The following RIC1 variants were observed in gnomAD, a reference collection of about 807,000 sequenced individuals.
The protein encoded by RIC1 is RIC1 partner of RAB6A GEF complex, also known as guanine nucleotide exchange factor subunit RIC1.
RIC1 carries 88 observed loss-of-function variants against 169.0 expected under a neutral mutation model. That is an observed-to-expected ratio of 0.52 (90% CI 0.44 to 0.62). RIC1 has a LOEUF of 0.62. Ranked by LOEUF, RIC1 falls within the 20% of genes least tolerant of loss-of-function variation. RIC1 has a pLI of 0.00. For missense variants in RIC1, 1,877 were observed against 1,725.5 expected, an observed-to-expected ratio of 1.09 and a Z score of -1.56; for synonymous variants, 790 against 601.5, an observed-to-expected ratio of 1.31 and a Z score of -4.59.
At chr9:5,765,288 T>C (rs894684281) in intron 19 of RIC1, 126 bp from the exon 20 acceptor site, 3 of 954,456 alleles carry the variant, frequency 3.1e-6, no homozygotes, top group Non-Finnish European at 4.7e-6. Flanking sequence ...TTTAATCTTA[T>C]TATTAAACTA....
chr9:5,728,186 C>T (rs1453723087), intron 6 of RIC1, among the ~76,000 whole-genome samples: 7 of 152,238 alleles, frequency 4.6e-5, no homozygotes, highest in African/African-American at 1.7e-4. Flanking sequence ...CTGCGGTGGG[C>T]TCCACCCACT....
At chr9:5,666,909 C>T (rs1819804832) in intron 2 of RIC1, among the ~76,000 whole-genome samples, 1 of 152,102 alleles carries the variant, frequency 6.6e-6, no homozygotes, top group Admixed American at 6.5e-5. Context: ...TTATTGTATT[C>T]TCATAATCTC....
intron 6 of RIC1, among the ~76,000 whole-genome samples, chr9:5,727,729 T>C (rs1482744969): frequency 1.3e-5 from 2 of 152,194 alleles, no homozygotes; most frequent in Non-Finnish European, 2.9e-5. Flanking sequence ...TTGGTGTGGA[T>C]GTCCTTTCTG....
chr9:5,717,032 TC>T (rs1462883074), intron 4 of RIC1, among the ~76,000 whole-genome samples: 1 of 152,212 alleles, frequency 6.6e-6, no homozygotes, highest in African/African-American at 2.4e-5. Context: ...ATCTATCTCT[TC>T]CTGTAGATTA....
intron 2 of RIC1, among the ~76,000 whole-genome samples, chr9:5,685,430 A>C (rs1479836955): frequency 2.7e-5 from 4 of 150,746 alleles, no homozygotes; most frequent in Non-Finnish European, 4.5e-5. Context: ...AAACAGAGAT[A>C]TAGATCAATG....
intron 8 of RIC1, among the ~76,000 whole-genome samples, chr9:5,740,611 G>A (rs1266368779): frequency 6.6e-6 from 1 of 150,802 alleles, no homozygotes; most frequent in African/African-American, 2.4e-5. Context: ...ATGTTTGAGG[G>A]CAGGAAGCAT....
At chr9:5,666,379 C>G (rs996627538) in intron 2 of RIC1, among the ~76,000 whole-genome samples, 16 of 151,930 alleles carry the variant, frequency 1.1e-4, no homozygotes, top group Non-Finnish European at 2.4e-4. Flanking sequence ...ATGCCTTTAT[C>G]TCGTTTTCTT....
At chr9:5,685,438 A>G (rs1327595337) in intron 2 of RIC1, among the ~76,000 whole-genome samples, 1 of 150,218 alleles carries the variant, frequency 6.7e-6, no homozygotes, top group East Asian at 2.0e-4. Flanking sequence ...ATATAGATCA[A>G]TGGAACAGAA....
Position 5,754,872 on chromosome 9 carries a change from C to T in RIC1, c.1634C>T (p.Ala545Val). The T allele has an allele frequency of 6.4e-7, 1 of 1,573,452 alleles. No individual in the cohort carries two copies. The highest frequency in any genetic ancestry group is 1.2e-5 in the South Asian group (1 of 83,134). ...AATATGATCGTGACAGGTGGCTTAGCCTGGTGGAATGATTTTATGGTCCTT... is the reference window on the plus strand; with the variant it reads ...AATATGATCGTGACAGGTGGCTTAGTCTGGTGGAATGATTTTATGGTCCTT... ...EQNMIVTGGLAWWNDFMVLAC... is the reference protein window; with the variant it reads ...EQNMIVTGGLVWWNDFMVLAC... Residue 545 changes from alanine to valine, a missense_variant, in exon 15 of 26, where the codon GCC (alanine) becomes GTC (valine). Physicochemically the swap from Ala to Val is moderately conservative, Grantham distance 64. This residue lies in a region of RIC1 where 1,104 missense variants were observed against 992.0 expected (regional missense o/e 1.11). Transcript: ENST00000414202.
chr9:5,672,906 A>G (rs1820195106), intron 2 of RIC1, among the ~76,000 whole-genome samples: 1 of 152,200 alleles, frequency 6.6e-6, no homozygotes, highest in Admixed American at 6.5e-5. Flanking sequence ...CATTAGAACA[A>G]CATCTCATAG....
chr9:5,654,403 T>C (rs1049524483), intron 1 of RIC1, among the ~76,000 whole-genome samples: 2 of 152,076 alleles, frequency 1.3e-5, no homozygotes, highest in African/African-American at 2.4e-5. Context: ...ACTGCCACCA[T>C]GTCCAGCTAA....
At chr9:5,762,884 C>T (rs1826432973) in intron 18 of RIC1, among the ~76,000 whole-genome samples, 1 of 152,164 alleles carries the variant, frequency 6.6e-6, no homozygotes, top group Admixed American at 6.5e-5. Context: ...GCTTAGGCAT[C>T]ATTCATTGCA....
chr9:5,757,287 T>C (rs1203675044), intron 16 of RIC1, 26 bp from the exon 17 acceptor site: 1 of 1,612,686 alleles, frequency 6.2e-7, no homozygotes, highest in South Asian at 1.1e-5. Context: ...GTTGTTGAGG[T>C]ATGTGGGTTT....
chr9:5,708,218 A>G (rs1333529488), intron 3 of RIC1, among the ~76,000 whole-genome samples: 1 of 152,132 alleles, frequency 6.6e-6, no homozygotes, highest in Admixed American at 6.6e-5. Context: ...TGTTATGACA[A>G]ATTACATCTT....
chr9:5,696,351 C>T (rs534809127), intron 3 of RIC1, among the ~76,000 whole-genome samples: 2 of 152,146 alleles, frequency 1.3e-5, no homozygotes, highest in Admixed American at 1.3e-4. Flanking sequence ...CCCACAATTC[C>T]TATTTAATGC....
At chr9:5,712,008 C>A (rs948797364) in intron 3 of RIC1, among the ~76,000 whole-genome samples, 2 of 152,166 alleles carry the variant, frequency 1.3e-5, no homozygotes, top group African/African-American at 2.4e-5. Flanking sequence ...CAAGTCTTTG[C>A]TATTGTGAGT....
intron 12 of RIC1, among the ~76,000 whole-genome samples, chr9:5,751,410 CA>C (rs1825716844): frequency 6.6e-6 from 1 of 151,844 alleles, no homozygotes; most frequent in African/African-American, 2.4e-5. Context: ...GGCTGGAGTG[CA>C]GTGGTGCAAT....
chr9:5,724,961 G>A (rs1823868384), intron 6 of RIC1, among the ~76,000 whole-genome samples: 2 of 152,150 alleles, frequency 1.3e-5, no homozygotes, highest in South Asian at 4.1e-4. Flanking sequence ...CGGTTTGCCA[G>A]TATTTTATTG....
chr9:5,719,439 G>A (rs1419030240), intron 4 of RIC1: 2 of 152,304 alleles, frequency 1.3e-5, no homozygotes, highest in East Asian at 3.9e-4. Flanking sequence ...TGCCTGAGAA[G>A]TCCTCTGAAG....
Sources: allele counts gnomAD v4.1 joint callset (sites outside exome capture counted in the v4.1 genomes callset), GRCh38; gene constraint gnomAD v4.1.1; regional missense constraint gnomAD v4.1.1; transcripts MANE v1.5; gene names NCBI Gene and HGNC (gene_info 2026-07-23, HGNC 2026-07-21).